Variants in ADAMTS6 observed in about 807,000 individuals in gnomAD.
The protein encoded by ADAMTS6 is ADAM metallopeptidase with thrombospondin type 1 motif 6.
ADAMTS6 carries 23 observed loss-of-function variants against 144.3 expected under a neutral mutation model. That is an observed-to-expected ratio of 0.16 (90% CI 0.11 to 0.23). The LOEUF (loss-of-function observed/expected upper bound fraction) is 0.23. Among genes scored for constraint, ADAMTS6 ranks in the 10% least tolerant of loss-of-function variants. ADAMTS6 has a pLI of 1.00. For missense variants in ADAMTS6, 999 were observed against 1,379.6 expected, an observed-to-expected ratio of 0.72 and a Z score of 4.37; for synonymous variants, 444 against 457.5, an observed-to-expected ratio of 0.97 and a Z score of 0.38.
intron 7 of ADAMTS6, among the ~76,000 whole-genome samples, chr5:65,344,946 T>A (rs939864669): frequency 6.6e-6 from 1 of 151,908 alleles, no homozygotes; most frequent in African/African-American, 2.4e-5. Context: ...GTTTCCTAAC[T>A]GAGATTCCCC....
At chr5:65,387,319 G>T (rs899208728) in intron 7 of ADAMTS6, among the ~76,000 whole-genome samples, 1 of 152,134 alleles carries the variant, frequency 6.6e-6, no homozygotes, top group African/African-American at 2.4e-5. Context: ...GTACTTCATA[G>T]ATTAATTATT....
At chr5:65,459,882 C>T (rs1759515683) in intron 4 of ADAMTS6, among the ~76,000 whole-genome samples, 2 of 151,946 alleles carry the variant, frequency 1.3e-5, no homozygotes, top group Admixed American at 1.3e-4. Context: ...TATAACTGTG[C>T]AAAAAAGCTA....
chr5:65,476,892 C>T (rs1310213928), intron 1 of ADAMTS6, among the ~76,000 whole-genome samples: 1 of 152,136 alleles, frequency 6.6e-6, no homozygotes, highest in Non-Finnish European at 1.5e-5. Context: ...GGATTCCAGG[C>T]GTGAGCCACT....
At chr5:65,287,663 T>TG (rs1439826393) in intron 11 of ADAMTS6, among the ~76,000 whole-genome samples, 1 of 152,098 alleles carries the variant, frequency 6.6e-6, no homozygotes, top group Non-Finnish European at 1.5e-5. Flanking sequence ...CCCGAGTAGC[T>TG]GGGATTACAG....
chr5:65,448,939 A>G (rs1424346114), intron 7 of ADAMTS6, among the ~76,000 whole-genome samples: 1 of 152,166 alleles, frequency 6.6e-6, no homozygotes, highest in Admixed American at 6.5e-5. Flanking sequence ...ATTTTTACAA[A>G]AATTAGCAGT....
intron 20 of ADAMTS6, among the ~76,000 whole-genome samples, chr5:65,202,647 C>T (rs1377931023): frequency 6.6e-6 from 1 of 152,036 alleles, no homozygotes; most frequent in African/African-American, 2.4e-5. Flanking sequence ...TATAGTTTCC[C>T]CATTTTATCT....
chr5:65,459,608 T>C (rs186027947), intron 4 of ADAMTS6, among the ~76,000 whole-genome samples: 2 of 152,340 alleles, frequency 1.3e-5, no homozygotes, highest in African/African-American at 4.8e-5. Context: ...GAAACACTAA[T>C]AGCCACTGCT....
At chr5:65,212,052 CA>C (rs775522892) in intron 20 of ADAMTS6, among the ~76,000 whole-genome samples, 6 of 152,198 alleles carry the variant, frequency 3.9e-5, no homozygotes, top group Admixed American at 2.0e-4. Context: ...GAGCGAGCAA[CA>C]AAATCACCTG....
intron 7 of ADAMTS6, among the ~76,000 whole-genome samples, chr5:65,390,094 A>G (rs996120865): frequency 2.0e-5 from 3 of 152,184 alleles, no homozygotes; most frequent in Non-Finnish European, 4.4e-5. Context: ...AAAAAAAACT[A>G]TTTAGTTTTA....
chr5:65,453,915 C>CTATG (rs1304920515), intron 4 of ADAMTS6, among the ~76,000 whole-genome samples: 1 of 152,094 alleles, frequency 6.6e-6, no homozygotes, highest in Admixed American at 6.6e-5. Context: ...TTGGTAGGTG[C>CTATG]TATGGTTTGA....
chr5:65,228,687 AAG>A (rs1757907245), intron 15 of ADAMTS6, among the ~76,000 whole-genome samples: 1 of 152,218 alleles, frequency 6.6e-6, no homozygotes, highest in Admixed American at 6.5e-5. Flanking sequence ...GCTCAGTGAA[AAG>A]AGAGACTCCC....
At chr5:65,173,938 G>A (rs990886725) in intron 22 of ADAMTS6, among the ~76,000 whole-genome samples, 1 of 151,346 alleles carries the variant, frequency 6.6e-6, no homozygotes, top group African/African-American at 2.4e-5. Context: ...CAGGAGAAGT[G>A]CTTGAACCAG....
intron 7 of ADAMTS6, among the ~76,000 whole-genome samples, chr5:65,401,661 T>C (rs551379623): frequency 1.3e-5 from 2 of 152,308 alleles, no homozygotes; most frequent in African/African-American, 2.4e-5. Context: ...CTGGTTTCCA[T>C]GGAGGTTTCT....
Position 65,170,635 on chromosome 5 carries a change from G to C in ADAMTS6, c.3226C>G (p.Pro1076Ala). 1 of 1,613,998 alleles carries C rather than the reference G, an allele frequency of 6.2e-7. No individual in the cohort carries two copies. Among genetic ancestry groups the C allele is most frequent in the Non-Finnish European group, 8.5e-7 (1 of 1,180,000 alleles). The change falls in exon 24 of 25, where the codon CCC becomes GCC. Residue 1076 changes from proline (P) to alanine (A), a missense_variant. By Grantham distance (27) the Pro-to-Ala change is conservative. This residue lies in a region of ADAMTS6 where 619 missense variants were observed against 837.0 expected (regional missense o/e 0.74). Transcript: ENST00000381055. The part of the protein sequence containing the change: ...QQCESKCDST[P>A]ISNTEECKDV... ...AACTCACCTTCAGTATTAGAAATGG[G>C]GGTACTGTCACATTTGCTTTCACAC...
intron 7 of ADAMTS6, among the ~76,000 whole-genome samples, chr5:65,444,674 G>C (rs927215275): frequency 6.6e-6 from 1 of 152,274 alleles, no homozygotes; most frequent in South Asian, 2.1e-4. Flanking sequence ...CAGTCCAGAG[G>C]AGAAGATTAC....
chr5:65,238,599 CAAA>C (rs201993510), intron 15 of ADAMTS6, among the ~76,000 whole-genome samples: 2 of 117,430 alleles, frequency 1.7e-5, no homozygotes, highest in Admixed American at 8.6e-5. Context: ...GACCCTGTCT[CAAA>C]AAAAAAAAAA....
rs140794157 is a variant in ADAMTS6, at chr5:65,219,217, G to T, written c.2273-3730C>A. On this transcript the variant is annotated intron_variant, in intron 18 of 24. Transcript: ENST00000381055. ...CCCACCTCCTGTGTTAGTAGATAAAGTTCTATTGGAACACAGTCACACCCA... is the reference window on the plus strand; with the variant it reads ...CCCACCTCCTGTGTTAGTAGATAAATTTCTATTGGAACACAGTCACACCCA... Among the ~76,000 whole-genome samples the T allele has an allele frequency of 4.3e-4, 65 of 152,228 alleles. 1 individual carries two copies. Among genetic ancestry groups the T allele is most frequent in the African/African-American group, 1.5e-3 (62 of 41,556 alleles).
rs759996986 is a variant in ADAMTS6, at chr5:65,455,746, T to G, written c.632-2828A>C. Among the ~76,000 whole-genome samples, 113 of 151,950 alleles carry G rather than the reference T, an allele frequency of 7.4e-4. 2 individuals carry two copies. Among genetic ancestry groups the G allele is most frequent in the South Asian group, 2.5e-3 (12 of 4,798 alleles). On this transcript the variant is annotated intron_variant, in intron 4 of 24. Coordinates refer to ENST00000381055, the MANE Select transcript of ADAMTS6 (RefSeq NM_197941.4). ...TGAACCTGGGAGGCGGAGGTTGCAG[T>G]GAGCTGAGATGGCACCACTGCACTC...
chr5:65,250,772 T>A (rs554912743), intron 14 of ADAMTS6, among the ~76,000 whole-genome samples: 1 of 152,354 alleles, frequency 6.6e-6, no homozygotes, highest in East Asian at 1.9e-4. Flanking sequence ...AAGATCATTT[T>A]GTTTTTGGAA....
Sources: gnomAD v4.1 joint callset for allele counts (sites outside exome capture counted in the v4.1 genomes callset) on GRCh38, gnomAD v4.1.1 for gene constraint, gnomAD v4.1.1 regional missense constraint, MANE v1.5 for transcripts, NCBI Gene and HGNC (gene_info 2026-07-23, HGNC 2026-07-21) for gene names.